IL7: variants seen among roughly 807,000 people sequenced by gnomAD.
IL7 encodes interleukin 7.
In IL7, 3 loss-of-function variants were observed where a neutral mutation model predicts 21.6. The observed-to-expected ratio is 0.14, with a 90% CI of 0.06 to 0.36. The LOEUF is 0.36. Among genes scored for constraint, IL7 ranks in the 10% least tolerant of loss-of-function variants. The probability of loss-of-function intolerance (pLI) is 1.00; values close to 1 mark genes in which losing one functional copy is unlikely to be tolerated. For missense variants in IL7, 175 were observed against 200.2 expected (o/e 0.87, Z 0.76); for synonymous variants, 62 against 68.1 (o/e 0.91, Z 0.44).
chr8:78,704,703 T>TG (rs1244279043), intron 3 of IL7, among the ~76,000 whole-genome samples: 1 of 152,216 alleles, frequency 6.6e-6, no homozygotes, highest in Non-Finnish European at 1.5e-5. Flanking sequence ...TTCAAATTGG[T>TG]GCCATTCTCC....
chr8:78,733,705 C>T lies in IL7; in HGVS notation c.*8G>A. ...AGTTCGTGTTTCTATATTGCCACTC[C>T]ATATTTTTCAGTGTTCTTTAGTGCC... On this transcript the variant is annotated 3_prime_UTR_variant, in exon 6 of 6. Transcript: ENST00000263851. 6.3e-7 allele frequency: 1 copy of T among 1,596,478 alleles called. No individual in the cohort carries two copies. Among genetic ancestry groups the T allele is most frequent in the Non-Finnish European group, 8.5e-7 (1 of 1,173,722 alleles).
chr8:78,784,555 TAAG>T (rs1813447788), intron 2 of IL7, among the ~76,000 whole-genome samples: 1 of 152,018 alleles, frequency 6.6e-6, no homozygotes, highest in African/African-American at 2.4e-5. Context: ...AAATAACATT[TAAG>T]TTTTTTTTAA....
chr8:78,765,686 G>C (rs1812734214), intron 2 of IL7, among the ~76,000 whole-genome samples: 1 of 152,070 alleles, frequency 6.6e-6, no homozygotes, highest in Admixed American at 6.5e-5. Context: ...CACAGTAAAT[G>C]CTGGCAAGGA....
chr8:78,727,920 T>C (rs1286601496), downstream of IL7, among the ~76,000 whole-genome samples: 1 of 151,960 alleles, frequency 6.6e-6, no homozygotes, highest in Non-Finnish European at 1.5e-5. Context: ...TTAATAATCC[T>C]ATATCCATAG....
intron 4 of IL7, among the ~76,000 whole-genome samples, chr8:78,684,325 C>A (rs1455254706): frequency 6.6e-6 from 1 of 152,200 alleles, no homozygotes; most frequent in African/African-American, 2.4e-5. Flanking sequence ...GAAGAAGAAT[C>A]AAAGGCACAT....
chr8:78,689,408 A>T, intron 3 of IL7: 1 of 1,524,496 alleles, frequency 6.6e-7, no homozygotes, highest in Non-Finnish European at 8.8e-7. Flanking sequence ...ATAAACGAGA[A>T]AATGGCTCAT....
intron 3 of IL7, among the ~76,000 whole-genome samples, chr8:78,710,123 G>A (rs1810907013): frequency 6.6e-6 from 1 of 152,042 alleles, no homozygotes; most frequent in African/African-American, 2.4e-5. Context: ...TATTTTGAAG[G>A]CCTGTGAAAG....
At chr8:78,688,873 A>AT (rs1554591954) in intron 3 of IL7, among the ~76,000 whole-genome samples, 1 of 152,118 alleles carries the variant, frequency 6.6e-6, no homozygotes, top group Non-Finnish European at 1.5e-5. Flanking sequence ...CTAGTCTGCT[A>AT]TATAAAGTAT....
intron 2 of IL7, among the ~76,000 whole-genome samples, chr8:78,797,403 T>G (rs987562791): frequency 6.6e-6 from 1 of 152,018 alleles, no homozygotes; most frequent in Non-Finnish European, 1.5e-5. Context: ...TATGCACTTA[T>G]GTAATGTATC....
At chr8:78,682,330 G>C (rs1453711732) in intron 4 of IL7, among the ~76,000 whole-genome samples, 1 of 151,936 alleles carries the variant, frequency 6.6e-6, no homozygotes. Flanking sequence ...CTGCTATTAA[G>C]AAATATCGGA....
At chr8:78,679,646 A>G (rs1196908624) in intron 4 of IL7, among the ~76,000 whole-genome samples, 1 of 152,212 alleles carries the variant, frequency 6.6e-6, no homozygotes, top group Non-Finnish European at 1.5e-5. Flanking sequence ...GTTGAAAAGC[A>G]TCATTTCAGT....
chr8:78,804,775 G>T, intron 1 of IL7, 138 bp downstream of exon 1: 1 of 922,954 alleles, frequency 1.1e-6, no homozygotes, highest in South Asian at 1.5e-5. Context: ...CCATGGGAGA[G>T]CCAGTGCTCT....
downstream of IL7, among the ~76,000 whole-genome samples, chr8:78,731,091 G>T (rs970784621): frequency 6.6e-6 from 1 of 151,936 alleles, no homozygotes; most frequent in Non-Finnish European, 1.5e-5. Context: ...TATTTATATG[G>T]CGTGGTAGGG....
intron 2 of IL7, among the ~76,000 whole-genome samples, chr8:78,788,163 G>C (rs1813572345): frequency 6.6e-6 from 1 of 152,012 alleles, no homozygotes; most frequent in East Asian, 1.9e-4. Flanking sequence ...GGTCAGCCTG[G>C]CTGGAGGCTT....
At chr8:78,803,312 A>C (rs1034744681) in intron 1 of IL7, among the ~76,000 whole-genome samples, 8 of 152,122 alleles carry the variant, frequency 5.3e-5, no homozygotes, top group Non-Finnish European at 1.2e-4. Flanking sequence ...TTTTATTGCT[A>C]TTCAACTTTT....
intron 3 of IL7, chr8:78,686,721 T>G (rs1242226451): frequency 8.7e-7 from 1 of 1,155,728 alleles, no homozygotes; most frequent in East Asian, 3.1e-5. Context: ...TTATGAGGCA[T>G]AATCTTTAAA....
At chr8:78,713,210 A>G (rs575794800), downstream of IL7, among the ~76,000 whole-genome samples, 9 of 152,306 alleles carry the variant, frequency 5.9e-5, no homozygotes, top group South Asian at 1.9e-3. Context: ...TCTGAACAGA[A>G]AGAAAAATTT....
intron 4 of IL7, among the ~76,000 whole-genome samples, chr8:78,676,661 A>T (rs1809588515): frequency 6.6e-6 from 1 of 152,074 alleles, no homozygotes; most frequent in African/African-American, 2.4e-5. Context: ...AAGCAAAGTG[A>T]GGAATTAATG....
At chr8:78,777,268 A>C (rs1039809239) in intron 2 of IL7, among the ~76,000 whole-genome samples, 2 of 152,084 alleles carry the variant, frequency 1.3e-5, no homozygotes, top group African/African-American at 4.8e-5. Flanking sequence ...TGGGAGTATT[A>C]GACGCATCAT....
Sources: allele counts gnomAD v4.1 joint callset (sites outside exome capture counted in the v4.1 genomes callset), GRCh38; gene constraint gnomAD v4.1.1; transcripts MANE v1.5; gene names NCBI Gene and HGNC (gene_info 2026-07-23, HGNC 2026-07-21).